Variants in PCNX1 observed in about 807,000 individuals in gnomAD.
PCNX1 encodes the protein pecanex 1.
A neutral mutation model predicts 242.2 loss-of-function variants in PCNX1; 78 were observed. The ratio of observed to expected loss-of-function variants is 0.32; its 90% CI spans 0.27 to 0.39. The LOEUF is 0.39. PCNX1 is among the 10% of genes least tolerant of loss of function. PCNX1 has a pLI of 1.00. For synonymous variants in PCNX1, 1,024 were observed against 1,032.9 expected, an observed-to-expected ratio of 0.99 and a Z score of 0.17; for missense variants, 2,581 against 2,856.5, an observed-to-expected ratio of 0.90 and a Z score of 2.20.
intron 1 of PCNX1, among the ~76,000 whole-genome samples, chr14:70,921,799 A>G (rs2056386458): frequency 6.6e-6 from 1 of 152,196 alleles, no homozygotes; most frequent in African/African-American, 2.4e-5. Flanking sequence ...CATGGTATTT[A>G]TCTGTACATA....
intron 30 of PCNX1, among the ~76,000 whole-genome samples, chr14:71,091,002 G>C (rs1054403344): frequency 5.9e-5 from 9 of 152,152 alleles, no homozygotes; most frequent in African/African-American, 2.2e-4. Flanking sequence ...AACACACTTG[G>C]ATATAGCACA....
chr14:71,079,440 A>T (rs1411431014), intron 28 of PCNX1, among the ~76,000 whole-genome samples: 1 of 152,200 alleles, frequency 6.6e-6, no homozygotes, highest in Non-Finnish European at 1.5e-5. Flanking sequence ...ACAATGGTTG[A>T]ACTAATTTAC....
intron 30 of PCNX1, chr14:71,092,991 C>T (rs2062175867): frequency 6.6e-6 from 1 of 152,158 alleles, no homozygotes; most frequent in African/African-American, 2.4e-5. Context: ...ATGAGTTCAA[C>T]ACTGAAGGCA....
chr14:71,060,772 A>C, intron 26 of PCNX1: 1 of 152,336 alleles, frequency 6.6e-6, no homozygotes, highest in Non-Finnish European at 1.5e-5. Context: ...TAAATCATAC[A>C]TGGAGAAACT....
chr14:71,051,866 A>G lies in PCNX1; in HGVS notation c.4448-17A>G, dbSNP rs769403672. 1.9e-6 allele frequency: 3 copies of G among 1,609,368 alleles called. No homozygotes were observed. The highest frequency in any genetic ancestry group is 2.2e-5 in the South Asian group (2 of 90,202). ...TGCTCAGATGAATGTCAGTGTCCTT[A>G]ACTAGTTTTCCCATAGATTCAGCCA... On this transcript the variant is annotated splice_polypyrimidine_tract_variant and intron_variant, in intron 23 of 35. Coordinates refer to ENST00000304743, the MANE Select transcript of PCNX1 (RefSeq NM_014982.3).
rs774402060 is a variant in PCNX1 at position 71,105,377 on chromosome 14, A to C, written c.6238A>C (p.Asn2080His). Residue 2080 changes from asparagine to histidine, a missense_variant, in exon 33 of 36, where the codon AAT becomes CAT. Asn to His is a moderately conservative substitution (Grantham distance 68, BLOSUM62 1). Around this residue, in one of 9 missense-constraint regions of PCNX1, gnomAD observed 432 missense variants for 433.6 expected, o/e 1.00. Coordinates refer to ENST00000304743, the MANE Select transcript of PCNX1 (RefSeq NM_014982.3). ...CAACGTGACCCAGGGAAGCATTGGA[A>C]ATCCTGGGCAGGGATCAGGAACTGG... is the stretch of plus-strand genomic sequence containing the variant. ...HSNVTQGSIG[N>H]PGQGSGTGLH... The C allele has an allele frequency of 6.2e-6, 10 of 1,614,140 alleles. No individual in the cohort carries two copies. The highest frequency in any genetic ancestry group is 8.5e-6 in the Non-Finnish European group (10 of 1,180,008).
chr14:71,015,583 C>T (rs1335713021), intron 11 of PCNX1, among the ~76,000 whole-genome samples: 1 of 151,896 alleles, frequency 6.6e-6, no homozygotes, highest in African/African-American at 2.4e-5. Context: ...ATCACTTGAG[C>T]CTAGGAGTTT....
At chr14:71,077,536 C>CCTCTTT (rs1431083385) in intron 28 of PCNX1, among the ~76,000 whole-genome samples, 12 of 152,250 alleles carry the variant, frequency 7.9e-5, no homozygotes, top group African/African-American at 2.6e-4. Flanking sequence ...TTTACTCCAT[C>CCTCTTT]AATAAGAACA....
intron 2 of PCNX1, among the ~76,000 whole-genome samples, chr14:70,955,436 A>G (rs984474036): frequency 5.9e-5 from 9 of 152,208 alleles, no homozygotes; most frequent in African/African-American, 1.7e-4. Flanking sequence ...TGGTGTTGCA[A>G]AGTTTCTGAT....
intron 1 of PCNX1, among the ~76,000 whole-genome samples, chr14:70,928,336 C>T (rs574545747): frequency 5.5e-4 from 84 of 152,190 alleles, no homozygotes; most frequent in African/African-American, 1.9e-3. Context: ...TTAATGAATG[C>T]TTACTTTTAC....
chr14:71,075,933 G>A (rs1173788413), intron 27 of PCNX1, among the ~76,000 whole-genome samples: 1 of 151,730 alleles, frequency 6.6e-6, no homozygotes, highest in East Asian at 1.9e-4. Context: ...TTTTGAAGTT[G>A]CTTTGTTGAA....
intron 8 of PCNX1, among the ~76,000 whole-genome samples, chr14:71,004,067 C>T (rs1167042791): frequency 6.6e-6 from 1 of 152,206 alleles, no homozygotes; most frequent in Non-Finnish European, 1.5e-5. Context: ...TGGGCTAAGT[C>T]CAGCTCTATA....
chr14:70,995,582 C>A (rs1250732547), intron 7 of PCNX1, among the ~76,000 whole-genome samples, 159 bp from the exon 8 acceptor site: 1 of 152,110 alleles, frequency 6.6e-6, no homozygotes, highest in Admixed American at 6.5e-5. Context: ...TTTAAGTTGG[C>A]AATGTAATCT....
At chr14:71,016,669 T>C (rs2059969326) in intron 11 of PCNX1, among the ~76,000 whole-genome samples, 1 of 152,162 alleles carries the variant, frequency 6.6e-6, no homozygotes, top group African/African-American at 2.4e-5. Context: ...AATTAGTATT[T>C]TGGGCTAAAT....
intron 27 of PCNX1, among the ~76,000 whole-genome samples, chr14:71,074,334 A>G (rs550617990): frequency 6.6e-6 from 1 of 152,326 alleles, no homozygotes; most frequent in South Asian, 2.1e-4. Flanking sequence ...TTCTGACATC[A>G]GCTGTAATTT....
intron 33 of PCNX1, among the ~76,000 whole-genome samples, chr14:71,107,736 A>G (rs972012921): frequency 3.3e-5 from 5 of 152,214 alleles, no homozygotes; most frequent in Admixed American, 6.5e-5. Context: ...TAGACAGTGT[A>G]GCTTTTCCTT....
At chr14:71,084,912 G>A (rs2061945985) in intron 28 of PCNX1, among the ~76,000 whole-genome samples, 1 of 152,182 alleles carries the variant, frequency 6.6e-6, no homozygotes, top group Admixed American at 6.5e-5. Context: ...CTGGCAGTTA[G>A]CTCGGTGTCT....
At chr14:70,996,486 A>G (rs1250219048) in intron 8 of PCNX1, among the ~76,000 whole-genome samples, 15 of 152,196 alleles carry the variant, frequency 9.9e-5, no homozygotes, top group African/African-American at 1.4e-4. Flanking sequence ...GTTCTTGTCA[A>G]TATATCTATA....
chr14:70,976,013 A>T (rs962568156), intron 5 of PCNX1, among the ~76,000 whole-genome samples: 15 of 152,038 alleles, frequency 9.9e-5, no homozygotes, highest in African/African-American at 2.9e-4. Context: ...ACATCATTAT[A>T]TCTTGTTTAG....
Sources: gnomAD v4.1 joint callset for allele counts (sites outside exome capture counted in the v4.1 genomes callset) on GRCh38, gnomAD v4.1.1 for gene constraint, gnomAD v4.1.1 regional missense constraint, MANE v1.5 for transcripts, NCBI Gene and HGNC (gene_info 2026-07-23, HGNC 2026-07-21) for gene names.